RHOT1: variants seen among roughly 807,000 people sequenced by gnomAD.
RHOT1 encodes the protein ras homolog family member T1, also known as mitochondrial Rho GTPase 1.
Under a neutral mutation model 95.3 loss-of-function variants are expected in RHOT1, and 27 were observed. The ratio of observed to expected loss-of-function variants is 0.28; its 90% CI spans 0.21 to 0.39. The LOEUF (loss-of-function observed/expected upper bound fraction) is 0.39. RHOT1 is among the 10% of genes least tolerant of loss of function. The pLI, the probability that RHOT1 is intolerant of heterozygous loss-of-function variation, is 1.00. For missense variants in RHOT1, 578 were observed against 786.7 expected (o/e 0.73, Z 3.17); for synonymous variants, 227 against 263.5 (o/e 0.86, Z 1.34).
At chr17:32,154,171 A>G (rs1213343352) in intron 1 of RHOT1, among the ~76,000 whole-genome samples, 2 of 151,416 alleles carry the variant, frequency 1.3e-5, no homozygotes, top group Non-Finnish European at 2.9e-5. Flanking sequence ...GCCAGGCACA[A>G]TGGCTCATGC....
intron 2 of RHOT1, 105 bp downstream of exon 2, chr17:32,171,206 G>A: frequency 1.3e-6 from 1 of 741,512 alleles, no homozygotes; most frequent in Non-Finnish European, 2.2e-6. Context: ...GCTTCCTTTT[G>A]GACAGTTGAG....
At chr17:32,171,213 T>C (rs2034543802) in intron 2 of RHOT1, 112 bp downstream of exon 2, 2 of 702,330 alleles carry the variant, frequency 2.8e-6, no homozygotes, top group South Asian at 4.0e-5. Flanking sequence ...TTTGGACAGT[T>C]GAGACTTTTT....
chr17:32,145,771 T>C (rs2031227393), intron 1 of RHOT1, among the ~76,000 whole-genome samples: 1 of 152,056 alleles, frequency 6.6e-6, no homozygotes, highest in African/African-American at 2.4e-5. Flanking sequence ...TCTCAGCACT[T>C]TGGGAGGCCG....
Position 32,224,772 on chromosome 17 carries a change from T to G in RHOT1, c.*39T>G. The G allele has an allele frequency of 8.4e-7, 1 of 1,191,596 alleles. No individual in the cohort carries two copies. The highest frequency in any genetic ancestry group is 1.3e-5 in the South Asian group (1 of 77,220). The allele number at this position is 1,191,596 out of a possible 1,614,324, so 73.8% of individuals were successfully genotyped here. On this transcript the variant is annotated 3_prime_UTR_variant, in exon 20 of 20. Coordinates refer to ENST00000545287, the MANE Select transcript of RHOT1 (RefSeq NM_001033566.3). Reference sequence around the variant, plus strand: ...ACTGTCCCTACCAAAAACAAATACTTTTATGTACATTCTGAATGCTTTAAG... The same window carrying G: ...ACTGTCCCTACCAAAAACAAATACTGTTATGTACATTCTGAATGCTTTAAG...
intron 1 of RHOT1, among the ~76,000 whole-genome samples, chr17:32,170,246 C>T (rs1206039388): frequency 1.3e-5 from 2 of 151,998 alleles, no homozygotes; most frequent in African/African-American, 4.8e-5. Context: ...GAAACCCTGT[C>T]TCTACTAAAA....
intron 1 of RHOT1, among the ~76,000 whole-genome samples, chr17:32,151,901 A>T (rs1482593016): frequency 2.6e-5 from 4 of 151,302 alleles, no homozygotes; most frequent in African/African-American, 4.9e-5. Flanking sequence ...AAAAAAAAAA[A>T]GGAAATCACT....
intron 1 of RHOT1, among the ~76,000 whole-genome samples, chr17:32,154,430 C>A (rs1056114980): frequency 6.8e-6 from 1 of 147,712 alleles, no homozygotes; most frequent in African/African-American, 2.5e-5. Flanking sequence ...AAAAAAAATA[C>A]AAAAAAATTA....
At chr17:32,178,725 C>G (rs992597924) in intron 6 of RHOT1, among the ~76,000 whole-genome samples, 1 of 151,276 alleles carries the variant, frequency 6.6e-6, no homozygotes, top group African/African-American at 2.4e-5. Flanking sequence ...GCCCAGCCGC[C>G]CTGTCTGGGA....
intron 1 of RHOT1, among the ~76,000 whole-genome samples, chr17:32,154,285 T>TAAAA (rs539073195): frequency 8.0e-6 from 1 of 124,826 alleles, no homozygotes; most frequent in African/African-American, 3.1e-5. Context: ...TACGAGAAAT[T>TAAAA]AAAAAAAAAA....
At chr17:32,206,030 A>G (rs1025229003) in intron 16 of RHOT1, among the ~76,000 whole-genome samples, 3 of 152,136 alleles carry the variant, frequency 2.0e-5, no homozygotes, top group African/African-American at 4.8e-5. Context: ...TTTGAGAATC[A>G]TATCTGAGTT....
chr17:32,192,386 A>G (rs911340484), intron 9 of RHOT1, 87 bp downstream of exon 9: 28 of 757,324 alleles, frequency 3.7e-5, no homozygotes, highest in Admixed American at 2.5e-4. Context: ...AGCTTAAACA[A>G]CAAGAACAGT....
rs763783423 is a variant in RHOT1 at position 32,176,184 on chromosome 17, C to G, written c.300C>G (p.Leu100=). The G allele has an allele frequency of 2.5e-6, 4 of 1,611,332 alleles. No homozygotes were observed. In the Admixed American group the frequency reaches 5.0e-5, roughly 20 times the overall value. The part of the protein sequence containing the change: ...IDKVTSRWIP[L]INERTDKDSR... Reference sequence around the variant, plus strand: ...AGGTAACAAGTCGATGGATTCCTCTCATAAATGAAAGAACAGACAAAGACA... The same window carrying G: ...AGGTAACAAGTCGATGGATTCCTCTGATAAATGAAAGAACAGACAAAGACA... The change falls in exon 6 of 20, where the codon CTC becomes CTG. Residue 100 remains leucine, a synonymous_variant. Coordinates refer to ENST00000545287, the MANE Select transcript of RHOT1 (RefSeq NM_001033566.3).
intron 18 of RHOT1, 129 bp from the exon 19 acceptor site, chr17:32,210,987 A>G (rs1414533647): frequency 7.4e-6 from 6 of 809,050 alleles, no homozygotes; most frequent in Non-Finnish European, 1.1e-5. Context: ...CATGCCCCAT[A>G]CTGTCCTTTT....
chr17:32,200,982 G>A lies in RHOT1; in HGVS notation c.1127G>A (p.Arg376Gln), dbSNP rs909570896. ...WTLTTYLDVQ[R>Q]CLEYLGYLGY... is the part of the protein sequence containing the mutation. ...CTCACGACTTATTTAGATGTACAGC[G>A]GTGCCTGGAATATTTGGGCTATCTA... The change falls in exon 14 of 20, where the codon CGG becomes CAG. Residue 376 changes from arginine (R) to glutamine (Q), a missense_variant. Around this residue, in one of 4 missense-constraint regions of RHOT1, gnomAD observed 296 missense variants for 338.5 expected, o/e 0.87. Transcript: ENST00000545287. The A allele has an allele frequency of 8.1e-6, 13 of 1,611,638 alleles. No individual in the cohort carries two copies. Among genetic ancestry groups the A allele is most frequent in the African/African-American group, 1.3e-5 (1 of 74,760 alleles).
intron 1 of RHOT1, among the ~76,000 whole-genome samples, chr17:32,148,224 C>G (rs1288554019): frequency 6.6e-6 from 1 of 152,068 alleles, no homozygotes; most frequent in Non-Finnish European, 1.5e-5. Flanking sequence ...GAAATCATGC[C>G]ACTGCACCCC....
At chr17:32,164,548 A>G (rs2033870312) in intron 1 of RHOT1, among the ~76,000 whole-genome samples, 1 of 151,942 alleles carries the variant, frequency 6.6e-6, no homozygotes, top group Non-Finnish European at 1.5e-5. Context: ...CCCAATTTTT[A>G]ATACCAAAAA....
At chr17:32,197,963 C>G (rs913469154) in intron 11 of RHOT1, among the ~76,000 whole-genome samples, 1 of 152,160 alleles carries the variant, frequency 6.6e-6, no homozygotes, top group East Asian at 1.9e-4. Flanking sequence ...GGTGCAAACA[C>G]GGCTCACTGC....
At chr17:32,162,902 T>G (rs1482770195) in intron 1 of RHOT1, among the ~76,000 whole-genome samples, 1 of 152,112 alleles carries the variant, frequency 6.6e-6, no homozygotes, top group Non-Finnish European at 1.5e-5. Context: ...TAATAACATT[T>G]GGGAAAGTAG....
At chr17:32,195,571 CAG>C (rs2036818785) in intron 11 of RHOT1, among the ~76,000 whole-genome samples, 2 of 152,164 alleles carry the variant, frequency 1.3e-5, no homozygotes, top group African/African-American at 4.8e-5. Context: ...GATCTGGCCT[CAG>C]AGTTTTCAAT....
Sources: gnomAD v4.1 joint callset for allele counts (sites outside exome capture counted in the v4.1 genomes callset) on GRCh38, gnomAD v4.1.1 for gene constraint, gnomAD v4.1.1 regional missense constraint, MANE v1.5 for transcripts, NCBI Gene and HGNC (gene_info 2026-07-23, HGNC 2026-07-21) for gene names.